KATNBL1: variants seen among roughly 807,000 people sequenced by gnomAD.
KATNBL1 encodes the protein KATNB1-like protein 1.
Under a neutral mutation model 44.7 loss-of-function variants are expected in KATNBL1, and 28 were observed. That is an observed-to-expected ratio of 0.63 (90% confidence interval 0.46 to 0.86). KATNBL1 has a LOEUF of 0.86. Among genes scored for constraint, KATNBL1 ranks in the 40% least tolerant of loss-of-function variants. The probability of loss-of-function intolerance (pLI) is 0.00; values close to 1 mark genes in which losing one functional copy is unlikely to be tolerated. For synonymous variants in KATNBL1, 78 were observed against 114.9 expected (o/e 0.68, Z 2.06); for missense variants, 272 against 350.7 (o/e 0.78, Z 1.79).
chr15:34,178,165 T>A (rs1044686977), intron 1 of KATNBL1, among the ~76,000 whole-genome samples: 1 of 152,210 alleles, frequency 6.6e-6, no homozygotes, highest in Non-Finnish European at 1.5e-5. Context: ...TTTCGTTAAT[T>A]GAATTCAATT....
intron 2 of KATNBL1, chr15:34,154,933 A>C: frequency 2.2e-6 from 1 of 458,422 alleles, no homozygotes; most frequent in South Asian, 2.5e-5. Flanking sequence ...AGTCTAAACT[A>C]ATTCTGATAG....
intron 1 of KATNBL1, among the ~76,000 whole-genome samples, chr15:34,194,626 T>A (rs28652966): frequency 6.6e-6 from 1 of 151,708 alleles, no homozygotes; most frequent in Non-Finnish European, 1.5e-5. Flanking sequence ...CGTGTGGAGG[T>A]GGGGTTGGGA....
intron 1 of KATNBL1, among the ~76,000 whole-genome samples, chr15:34,193,236 C>CAAAAA (rs869058713): frequency 1.3e-5 from 1 of 79,182 alleles, no homozygotes; most frequent in African/African-American, 4.3e-5. Flanking sequence ...AAAAAAAAAA[C>CAAAAA]AAAAAAAAAA....
intron 1 of KATNBL1, among the ~76,000 whole-genome samples, chr15:34,169,533 C>T (rs1407134678): frequency 6.6e-6 from 1 of 152,182 alleles, no homozygotes; most frequent in Non-Finnish European, 1.5e-5. Flanking sequence ...TGGTACCATT[C>T]CTTCTGAAAC....
chr15:34,149,820 G>C (rs1023581349), intron 4 of KATNBL1, among the ~76,000 whole-genome samples: 1 of 152,182 alleles, frequency 6.6e-6, no homozygotes, highest in African/African-American at 2.4e-5. Context: ...AACCACTTGA[G>C]CTCAGGAGTT....
intron 1 of KATNBL1, among the ~76,000 whole-genome samples, chr15:34,164,607 T>C (rs573386482): frequency 2.8e-4 from 42 of 152,356 alleles, no homozygotes; most frequent in African/African-American, 1.0e-3. Context: ...ACAAATGCTA[T>C]GACTTAATTT....
chr15:34,144,202 T>TC (rs1287982544), intron 9 of KATNBL1, among the ~76,000 whole-genome samples: 2 of 151,772 alleles, frequency 1.3e-5, no homozygotes, highest in African/African-American at 2.4e-5. Flanking sequence ...TTGCTTTTCT[T>TC]CCCTCAGCTA....
rs1567531818 is a variant in KATNBL1, at chr15:34,181,551, T to TATATATGTCCATATATATATC, written c.-14-17882_-14-17862dup. 2.0e-3 allele frequency among the ~76,000 whole-genome samples: 279 copies of TATATATGTCCATATATATATC among 140,172 alleles called. 2 individuals are homozygous for TATATATGTCCATATATATATC. The highest frequency in any genetic ancestry group is 7.0e-3 in the African/African-American group (269 of 38,704). 92.0% of individuals were successfully genotyped at this position (140,172 alleles called of 152,430 possible). A position where few individuals can be genotyped will look rare whatever the true frequency, so the allele number is the denominator to read the frequency against. ...AACACAAAACATTCCAGCATATACA[T>TATATATGTCCATATATATATC]ATATATGTCCATATATATATCCATA... On this transcript the variant is annotated intron_variant, in intron 1 of 9. Coordinates refer to ENST00000256544, the MANE Select transcript of KATNBL1 (RefSeq NM_024713.3).
At chr15:34,181,655 CATATATATATCCATAT>C (rs1179591800) in intron 1 of KATNBL1, among the ~76,000 whole-genome samples, 1 of 94,474 alleles carries the variant, frequency 1.1e-5, no homozygotes, top group Non-Finnish European at 2.1e-5. Context: ...TATATATGTC[CATATATATATCCATAT>C]ATATACACAT....
In KATNBL1 at chr15:34,148,769, A is replaced by G. The variant is rs1888384674; in HGVS notation, c.439-19T>C. 7.2e-7 allele frequency: 1 copy of G among 1,397,028 alleles called. No individual in the cohort carries two copies. The highest frequency in any genetic ancestry group is 2.3e-5 in the East Asian group (1 of 43,786). 86.5% of individuals were successfully genotyped at this position (1,397,028 alleles called of 1,614,324 possible). The stretch of plus-strand genomic sequence containing the variant: ...GAGAAACCTGAAAGGCAATAATCTG[A>G]TTTGTTAAAAAGCACACTGAAACAG... On this transcript the variant is annotated intron_variant, in intron 4 of 9. Transcript: ENST00000256544.
chr15:34,209,001 T>C (rs1296211558), intron 1 of KATNBL1: 2 of 152,200 alleles, frequency 1.3e-5, no homozygotes, highest in Admixed American at 6.5e-5. Context: ...CAACAGTATA[T>C]ATCCCAAAGT....
intron 1 of KATNBL1, among the ~76,000 whole-genome samples, chr15:34,204,768 A>G (rs1890250449): frequency 6.6e-6 from 1 of 152,168 alleles, no homozygotes; most frequent in African/African-American, 2.4e-5. Flanking sequence ...CAACTATTCA[A>G]TAATTAAGTA....
intron 9 of KATNBL1, chr15:34,144,876 A>G (rs1355595947): frequency 5.2e-6 from 1 of 193,268 alleles, no homozygotes; most frequent in Non-Finnish European, 9.7e-6. Flanking sequence ...CTAACTACCA[A>G]TGTTTTCTGG....
At chr15:34,154,806 C>T (rs932959042) in intron 2 of KATNBL1, 122 bp from the exon 3 acceptor site, 70 of 703,612 alleles carry the variant, frequency 9.9e-5, no homozygotes, top group East Asian at 5.9e-4. Flanking sequence ...GGGTGCCAAT[C>T]GTGCCTGGAG....
At chr15:34,187,647 C>G (rs1452446634) in intron 1 of KATNBL1, among the ~76,000 whole-genome samples, 1 of 152,166 alleles carries the variant, frequency 6.6e-6, no homozygotes, top group Non-Finnish European at 1.5e-5. Flanking sequence ...CTATACTTGG[C>G]CTGATTACCC....
intron 3 of KATNBL1, among the ~76,000 whole-genome samples, chr15:34,153,719 C>A (rs774681230): frequency 6.6e-6 from 1 of 152,154 alleles, no homozygotes; most frequent in Admixed American, 6.6e-5. Context: ...TACAGTCGCG[C>A]GCCACCATGC....
intron 1 of KATNBL1, among the ~76,000 whole-genome samples, chr15:34,178,452 CTT>C (rs905694119): frequency 2.0e-5 from 3 of 152,076 alleles, no homozygotes; most frequent in African/African-American, 7.2e-5. Context: ...TGAACATGAA[CTT>C]TTTTCTTCAA....
intron 1 of KATNBL1, among the ~76,000 whole-genome samples, chr15:34,164,082 C>T (rs186328003): frequency 3.9e-5 from 6 of 152,186 alleles, no homozygotes; most frequent in East Asian, 3.9e-4. Flanking sequence ...TCAGTAGAGA[C>T]GGGGTTTCAC....
At chr15:34,155,976 T>C (rs143808010) in intron 2 of KATNBL1, among the ~76,000 whole-genome samples, 9 of 152,248 alleles carry the variant, frequency 5.9e-5, no homozygotes, top group Non-Finnish European at 1.2e-4. Flanking sequence ...CTTTATGACA[T>C]TGTGTTTTTT....
Sources: gnomAD v4.1 joint callset for allele counts (sites outside exome capture counted in the v4.1 genomes callset) on GRCh38, gnomAD v4.1.1 for gene constraint, MANE v1.5 for transcripts, NCBI Gene and HGNC (gene_info 2026-07-23, HGNC 2026-07-21) for gene names.